The following SH3GL2 variants were observed in gnomAD, a reference collection of about 807,000 sequenced individuals.
The protein encoded by SH3GL2 is endophilin-A1.
Under a neutral mutation model 46.0 loss-of-function variants are expected in SH3GL2, and 24 were observed. The observed-to-expected ratio is 0.52, with a 90% CI of 0.38 to 0.73. The LOEUF (loss-of-function observed/expected upper bound fraction) is 0.73, where lower values mean the gene tolerates loss of function less well. Among genes scored for constraint, SH3GL2 ranks in the 30% least tolerant of loss-of-function variants. The probability of loss-of-function intolerance (pLI) is 0.00; values close to 1 mark genes in which losing one functional copy is unlikely to be tolerated. For synonymous variants in SH3GL2, 196 were observed against 147.1 expected (o/e 1.33, Z -2.40); for missense variants, 413 against 424.2 (o/e 0.97, Z 0.23).
In SH3GL2 at chr9:17,579,181, C is replaced by A. The variant is rs889637565; in HGVS notation, c.-62C>A. ...AGGGGAGCGCGCCGCCCCGCTCGGC[C>A]CTCCAGTCCCCCTCCGCCTCCTCCC... is the stretch of plus-strand genomic sequence containing the variant. On this transcript the variant is annotated 5_prime_UTR_variant, in exon 1 of 9. Transcript: ENST00000380607. 2.3e-6 allele frequency: 3 copies of A among 1,285,494 alleles called. No homozygotes were observed. The highest frequency in any genetic ancestry group is 3.2e-6 in the Non-Finnish European group (3 of 940,778). 79.6% of individuals were successfully genotyped at this position (1,285,494 alleles called of 1,614,324 possible).
At chr9:17,792,249 G>A (rs1824152203) in intron 7 of SH3GL2, among the ~76,000 whole-genome samples, 1 of 152,042 alleles carries the variant, frequency 6.6e-6, no homozygotes, top group South Asian at 2.1e-4. Context: ...ATTTTCCTTC[G>A]GCGCAGCCTT....
intron 1 of SH3GL2, among the ~76,000 whole-genome samples, chr9:17,705,197 A>C (rs1042086204): frequency 6.6e-6 from 1 of 152,178 alleles, no homozygotes; most frequent in Non-Finnish European, 1.5e-5. Context: ...ATGAGATACT[A>C]TCTCACACCA....
At chr9:17,783,630 A>C (rs912862164) in intron 3 of SH3GL2, among the ~76,000 whole-genome samples, 33 of 152,096 alleles carry the variant, frequency 2.2e-4, no homozygotes, top group African/African-American at 7.5e-4. Context: ...AGACAGCATA[A>C]ATTTTAAGGT....
intron 1 of SH3GL2, among the ~76,000 whole-genome samples, chr9:17,592,375 G>A (rs965834179): frequency 1.3e-5 from 2 of 152,114 alleles, no homozygotes; most frequent in Admixed American, 1.3e-4. Flanking sequence ...CCAGCTATCT[G>A]GGTATCCCTT....
chr9:17,732,140 C>T (rs1536078), intron 1 of SH3GL2, among the ~76,000 whole-genome samples: 44,832 of 151,984 alleles, frequency 0.29, 7,927 homozygotes, highest in African/African-American at 0.48. Flanking sequence ...ATATTCTCAA[C>T]AACAATCATA....
At chr9:17,782,171 A>G (rs1341601906) in intron 3 of SH3GL2, among the ~76,000 whole-genome samples, 2 of 152,288 alleles carry the variant, frequency 1.3e-5, no homozygotes, top group African/African-American at 2.4e-5. Flanking sequence ...TAGGGAATGC[A>G]TAATTGTTTC....
intron 1 of SH3GL2, among the ~76,000 whole-genome samples, chr9:17,655,395 T>G (rs1449338061): frequency 6.6e-6 from 1 of 152,166 alleles, no homozygotes; most frequent in Non-Finnish European, 1.5e-5. Flanking sequence ...CCCTGCCCCC[T>G]GCTCATATAG....
chr9:17,712,519 CT>C (rs750240829), intron 1 of SH3GL2, among the ~76,000 whole-genome samples: 9 of 151,656 alleles, frequency 5.9e-5, no homozygotes, highest in Non-Finnish European at 1.0e-4. Flanking sequence ...TTTTTTGTTT[CT>C]GCATATGAAC....
intron 1 of SH3GL2, among the ~76,000 whole-genome samples, chr9:17,625,958 C>A (rs1819270504): frequency 6.6e-6 from 1 of 152,192 alleles, no homozygotes; most frequent in African/African-American, 2.4e-5. Context: ...GTCTCACTGA[C>A]TGTGGTTGAT....
chr9:17,670,611 A>T (rs964356002), intron 1 of SH3GL2, among the ~76,000 whole-genome samples: 4 of 152,194 alleles, frequency 2.6e-5, no homozygotes, highest in African/African-American at 9.6e-5. Context: ...TTGCAGATGG[A>T]ACAAGTAGCA....
intron 1 of SH3GL2, among the ~76,000 whole-genome samples, chr9:17,622,731 T>C (rs76682976): frequency 0.011 from 1,683 of 152,258 alleles, 21 homozygotes; most frequent in Non-Finnish European, 0.018. Flanking sequence ...TTGATGTCCT[T>C]AATTTCAAAA....
intron 1 of SH3GL2, among the ~76,000 whole-genome samples, chr9:17,687,270 G>A (rs1231794959): frequency 6.6e-6 from 1 of 151,906 alleles, no homozygotes; most frequent in Non-Finnish European, 1.5e-5. Context: ...GAAATCATTG[G>A]ATTAGCAGAA....
chr9:17,787,721 G>C (rs1247343558), intron 5 of SH3GL2, among the ~76,000 whole-genome samples: 1 of 152,118 alleles, frequency 6.6e-6, no homozygotes, highest in Admixed American at 6.5e-5. Context: ...CATGAGGGCT[G>C]TCTCTGGCTT....
At chr9:17,591,992 T>A (rs139702656) in intron 1 of SH3GL2, among the ~76,000 whole-genome samples, 1 of 152,350 alleles carries the variant, frequency 6.6e-6, no homozygotes, top group African/African-American at 2.4e-5. Context: ...GATATGTAGA[T>A]ACATGAGAGG....
At chr9:17,654,398 T>A (rs1820023914) in intron 1 of SH3GL2, among the ~76,000 whole-genome samples, 1 of 152,184 alleles carries the variant, frequency 6.6e-6, no homozygotes. Context: ...CACTGAAGAT[T>A]TGTTAATGAA....
At position 17,645,377 on chromosome 9, in the gene SH3GL2, G is replaced by C. The variant is rs141524410; in HGVS notation, c.45+66090G>C. Reference sequence around the variant, plus strand: ...GGGCATTTATCCCATTTACATTTAAGGTTAATATTCTTATGTGTGAATTTG... The same window carrying C: ...GGGCATTTATCCCATTTACATTTAACGTTAATATTCTTATGTGTGAATTTG... On this transcript the variant is annotated intron_variant, in intron 1 of 8. Transcript: ENST00000380607. 4.1e-3 allele frequency among the ~76,000 whole-genome samples: 626 copies of C among 151,916 alleles called. 3 individuals carry two copies. Among genetic ancestry groups the C allele is most frequent in the African/African-American group, 0.014 (601 of 41,452 alleles).
intron 1 of SH3GL2, among the ~76,000 whole-genome samples, chr9:17,581,775 T>C (rs1818280798): frequency 6.6e-6 from 1 of 152,222 alleles, no homozygotes; most frequent in Non-Finnish European, 1.5e-5. Flanking sequence ...CTCAGCATAC[T>C]GCAACCTCTG....
chr9:17,616,511 A>G (rs970560011), intron 1 of SH3GL2, among the ~76,000 whole-genome samples: 2 of 152,154 alleles, frequency 1.3e-5, no homozygotes, highest in African/African-American at 2.4e-5. Context: ...TTTTATTTTG[A>G]TTATGTTGAA....
At chr9:17,583,875 G>T (rs1335323709) in intron 1 of SH3GL2, among the ~76,000 whole-genome samples, 2 of 152,116 alleles carry the variant, frequency 1.3e-5, no homozygotes, top group Admixed American at 1.3e-4. Flanking sequence ...TGTTGATTTG[G>T]TGAGATGTTA....
Sources: allele counts gnomAD v4.1 joint callset (sites outside exome capture counted in the v4.1 genomes callset), GRCh38; gene constraint gnomAD v4.1.1; transcripts MANE v1.5; gene names NCBI Gene and HGNC (gene_info 2026-07-23, HGNC 2026-07-21).